The following ARID4B variants were observed in gnomAD, a reference collection of about 807,000 sequenced individuals.
ARID4B encodes the protein AT-rich interaction domain 4B, also known as AT-rich interactive domain-containing protein 4B.
A neutral mutation model predicts 147.5 loss-of-function variants in ARID4B; 26 were observed. That is an observed-to-expected ratio of 0.18 (90% confidence interval 0.13 to 0.24). ARID4B has a LOEUF of 0.24. Ranked by LOEUF, ARID4B falls within the 10% of genes least tolerant of loss-of-function variation. The probability of loss-of-function intolerance (pLI) is 1.00; values close to 1 mark genes in which losing one functional copy is unlikely to be tolerated. For synonymous variants in ARID4B, 512 were observed against 507.9 expected, an observed-to-expected ratio of 1.01 and a Z score of -0.11; for missense variants, 1,179 against 1,511.5, an observed-to-expected ratio of 0.78 and a Z score of 3.65.
intron 17 of ARID4B, among the ~76,000 whole-genome samples, chr1:235,207,595 T>C (rs760939151): frequency 1.3e-5 from 2 of 152,214 alleles, no homozygotes; most frequent in Non-Finnish European, 2.9e-5. Flanking sequence ...GTAGGATCAA[T>C]ACCTTAATAA....
At chr1:235,238,027 C>A (rs10925195) in intron 8 of ARID4B, among the ~76,000 whole-genome samples, 44,143 of 151,436 alleles carry the variant, frequency 0.29, 7,606 homozygotes, top group South Asian at 0.54. Context: ...GCTTGTCATA[C>A]CAGCTACTCG....
intron 2 of ARID4B, among the ~76,000 whole-genome samples, chr1:235,306,464 C>T (rs1292654096): frequency 1.3e-5 from 2 of 150,550 alleles, no homozygotes; most frequent in African/African-American, 4.9e-5. Flanking sequence ...GATCATACCA[C>T]TGCACTCCAG....
intron 23 of ARID4B, among the ~76,000 whole-genome samples, chr1:235,169,425 T>A (rs1663173859): frequency 6.6e-6 from 1 of 151,886 alleles, no homozygotes; most frequent in South Asian, 2.1e-4. Flanking sequence ...GTATTTTTAG[T>A]AGAGATGGGG....
chr1:235,279,521 A>C (rs1029768353), intron 2 of ARID4B, among the ~76,000 whole-genome samples: 6 of 152,258 alleles, frequency 3.9e-5, no homozygotes. Flanking sequence ...TCTAGCAAAG[A>C]AATCAGCAAT....
Position 235,327,777 on chromosome 1 carries a change from G to A in ARID4B, c.-58C>T, listed in dbSNP as rs1374797004. The A allele has an allele frequency of 6.5e-6, 1 of 152,690 alleles. No individual in the cohort carries two copies. Among genetic ancestry groups the A allele is most frequent in the Admixed American group, 6.5e-5 (1 of 15,282 alleles). The allele number at this position is 152,690 out of a possible 1,614,324, so 9.5% of individuals were successfully genotyped here. ...CCAGAAAATATCCCTACCTTCCTCG[G>A]AGGCGAGATCTGACCCTGGCACGTC... On this transcript the variant is annotated 5_prime_UTR_variant, in exon 1 of 24. Coordinates refer to ENST00000264183, the MANE Select transcript of ARID4B (RefSeq NM_016374.6).
At chr1:235,233,768 C>T (rs78992478) in intron 9 of ARID4B, among the ~76,000 whole-genome samples, 1,558 of 152,146 alleles carry the variant, frequency 0.01, 24 homozygotes, top group African/African-American at 0.033. Context: ...AGAACAAACC[C>T]TAAGGAAATA....
chr1:235,322,410 T>C (rs1445067201), intron 2 of ARID4B, among the ~76,000 whole-genome samples: 1 of 152,216 alleles, frequency 6.6e-6, no homozygotes, highest in Non-Finnish European at 1.5e-5. Context: ...GTTAATTCAG[T>C]CACACCAAAT....
chr1:235,172,193 G>C (rs755144926), intron 23 of ARID4B, among the ~76,000 whole-genome samples: 39 of 152,244 alleles, frequency 2.6e-4, no homozygotes, highest in Middle Eastern at 3.4e-3. Context: ...AGGAAAATAA[G>C]ATAAAGAAAT....
chr1:235,284,815 G>A (rs1558277924), intron 2 of ARID4B, among the ~76,000 whole-genome samples: 1 of 152,260 alleles, frequency 6.6e-6, no homozygotes, highest in East Asian at 1.9e-4. Flanking sequence ...GACTGCTTGA[G>A]GCCAGGAGCT....
intron 17 of ARID4B, among the ~76,000 whole-genome samples, chr1:235,203,361 A>C (rs892938695): frequency 6.6e-6 from 1 of 152,228 alleles, no homozygotes; most frequent in African/African-American, 2.4e-5. Flanking sequence ...TCTTAAACCC[A>C]ATTTTAAAAG....
intron 17 of ARID4B, among the ~76,000 whole-genome samples, chr1:235,207,561 A>G (rs530601152): frequency 1.3e-5 from 2 of 152,342 alleles, no homozygotes; most frequent in South Asian, 2.1e-4. Context: ...GAGTGCATTA[A>G]CTGGGGTGAA....
intron 19 of ARID4B, among the ~76,000 whole-genome samples, chr1:235,188,668 C>T (rs1263615417): frequency 1.3e-5 from 2 of 152,176 alleles, no homozygotes; most frequent in African/African-American, 4.8e-5. Flanking sequence ...CAACTAGATC[C>T]TAGAACACTG....
At chr1:235,222,860 C>A (rs1210133249) in intron 13 of ARID4B, among the ~76,000 whole-genome samples, 1 of 151,542 alleles carries the variant, frequency 6.6e-6, no homozygotes, top group Non-Finnish European at 1.5e-5. Flanking sequence ...TTTTTGTATT[C>A]TTTGTAGAGA....
intron 2 of ARID4B, among the ~76,000 whole-genome samples, chr1:235,267,140 T>C (rs1670656198): frequency 6.6e-6 from 1 of 152,030 alleles, no homozygotes; most frequent in Non-Finnish European, 1.5e-5. Flanking sequence ...TAGCCAGGCA[T>C]AGTGGCATGC....
intron 13 of ARID4B, among the ~76,000 whole-genome samples, chr1:235,222,216 T>C (rs953070774): frequency 2.6e-5 from 4 of 152,092 alleles, no homozygotes; most frequent in East Asian, 1.9e-4. Context: ...CTGGCCCCAT[T>C]TGACTTTTAA....
rs1558174114 is a variant in ARID4B, at chr1:235,181,003, G to A, written c.3334+582C>T. ...AAAAGTATTACTGTAGGTTATTAAC[G>A]TACACATTGGTCCTTCAATTTGGAA... On this transcript the variant is annotated intron_variant, in intron 20 of 23. Coordinates refer to ENST00000264183, the MANE Select transcript of ARID4B (RefSeq NM_016374.6). 3.3e-5 allele frequency: 16 copies of A among 480,608 alleles called. No individual in the cohort carries two copies. In the South Asian group the frequency reaches 1.1e-3, roughly 33 times the overall value. The allele number at this position is 480,608 out of a possible 1,614,324, so 29.8% of individuals were successfully genotyped here.
At chr1:235,208,475 A>G (rs1277329160) in intron 17 of ARID4B, among the ~76,000 whole-genome samples, 1 of 152,088 alleles carries the variant, frequency 6.6e-6, no homozygotes. Flanking sequence ...AAGAGAACAC[A>G]CTATAATATT....
intron 5 of ARID4B, among the ~76,000 whole-genome samples, chr1:235,255,390 A>G (rs1180554156): frequency 6.6e-6 from 1 of 151,942 alleles, no homozygotes; most frequent in Non-Finnish European, 1.5e-5. Context: ...AGATTGGGGA[A>G]AAAAAGAAAT....
At chr1:235,208,571 C>T (rs748407787) in intron 17 of ARID4B, among the ~76,000 whole-genome samples, 1 of 151,986 alleles carries the variant, frequency 6.6e-6, no homozygotes, top group Admixed American at 6.6e-5. Context: ...GGCGCAATCT[C>T]GGCTCACCGC....
Sources: allele counts gnomAD v4.1 joint callset (sites outside exome capture counted in the v4.1 genomes callset), GRCh38; gene constraint gnomAD v4.1.1; transcripts MANE v1.5; gene names NCBI Gene and HGNC (gene_info 2026-07-23, HGNC 2026-07-21).